GABBR1: variants seen among roughly 807,000 people sequenced by gnomAD.
GABBR1 encodes GABA-B receptor, R1 subunit.
GABBR1 carries 35 observed loss-of-function variants against 117.7 expected under a neutral mutation model. The observed-to-expected ratio is 0.30, with a 90% confidence interval of 0.23 to 0.39. The LOEUF (loss-of-function observed/expected upper bound fraction) is 0.39, where lower values mean the gene tolerates loss of function less well. Among genes scored for constraint, GABBR1 ranks in the 10% least tolerant of loss-of-function variants. The pLI, the probability that GABBR1 is intolerant of heterozygous loss-of-function variation, is 1.00. For missense variants in GABBR1, 709 were observed against 1,241.8 expected, an observed-to-expected ratio of 0.57 and a Z score of 6.45; for synonymous variants, 442 against 486.6, an observed-to-expected ratio of 0.91 and a Z score of 1.21.
At position 29,627,796 on chromosome 6, in the gene GABBR1, T is replaced by G; in HGVS notation, c.497-150A>C. 7.0e-7 allele frequency: 1 copy of G among 1,435,482 alleles called. No homozygotes were observed. The highest frequency in any genetic ancestry group is 9.1e-7 in the Non-Finnish European group (1 of 1,097,524). The allele number at this position is 1,435,482 out of a possible 1,614,324, so 88.9% of individuals were successfully genotyped here. A position where few individuals can be genotyped will look rare whatever the true frequency, so the allele number is the denominator to read the frequency against. On this transcript the variant is annotated intron_variant, in intron 5 of 22. Coordinates refer to ENST00000377034, the MANE Select transcript of GABBR1 (RefSeq NM_001470.4). The surrounding 1 kb of genome is among the most constrained non-coding windows in gnomAD (Gnocchi z 4.4). Reference sequence around the variant, plus strand: ...AAAAGGGGCCCCGGGCCCCATGGCGTGGGGGGCAGGGGTAGCTGTTGGGGA... The same window carrying G: ...AAAAGGGGCCCCGGGCCCCATGGCGGGGGGGGCAGGGGTAGCTGTTGGGGA...
chr6:29,602,836 T>C lies in GABBR1; in HGVS notation c.*707A>G. On this transcript the variant is annotated 3_prime_UTR_variant, in exon 23 of 23. Coordinates refer to ENST00000377034, the MANE Select transcript of GABBR1 (RefSeq NM_001470.4). Reference sequence around the variant, plus strand: ...TGACCATGAGAGGGGCACACGTAGCTGTGAATGCAGGGCACCCGAGAGCAC... The same window carrying C: ...TGACCATGAGAGGGGCACACGTAGCCGTGAATGCAGGGCACCCGAGAGCAC... The C allele has an allele frequency of 2.8e-6, 1 of 361,754 alleles. No homozygotes were observed. Among genetic ancestry groups the C allele is most frequent in the Admixed American group, 3.6e-5 (1 of 27,452 alleles). The allele number at this position is 361,754 out of a possible 1,614,324, so 22.4% of individuals were successfully genotyped here.
At position 29,607,266 on chromosome 6, in the gene GABBR1, G is replaced by T; in HGVS notation, c.1993-48C>A. 6.9e-7 allele frequency: 1 copy of T among 1,457,044 alleles called. No homozygotes were observed. The highest frequency in any genetic ancestry group is 9.6e-7 in the Non-Finnish European group (1 of 1,039,596). 90.3% of individuals were successfully genotyped at this position (1,457,044 alleles called of 1,614,324 possible). A position where few individuals can be genotyped will look rare whatever the true frequency, so the allele number is the denominator to read the frequency against. On this transcript the variant is annotated intron_variant, in intron 16 of 22. Transcript: ENST00000377034. This position sits in a 1 kb window ranked among gnomAD's most constrained non-coding sequence, Gnocchi z 5.0. ...GGCAGAACAGGGTAGAGTAGTAGCC[G>T]GGACTGCAGTAAGGATGGGCAGAAC...
Position 29,613,278 on chromosome 6 carries a change from G to C in GABBR1, c.1531C>G (p.Arg511Gly), listed in dbSNP as rs771699197. 4 of 1,612,820 alleles carry C rather than the reference G, an allele frequency of 2.5e-6. No homozygotes were observed. The African/African-American group carries it at 5.3e-5, about 22-fold the overall frequency. Residue 511 changes from arginine (R) to glycine (G), a missense_variant, in exon 12 of 23, where the codon CGG becomes GGG. Around this residue, in one of 9 missense-constraint regions of GABBR1, gnomAD observed 38 missense variants for 47.7 expected, o/e 0.80. Transcript: ENST00000377034. The surrounding 1 kb of genome is among the most constrained non-coding windows in gnomAD (Gnocchi z 4.1). ...NNQTITDQIYRAMNSSSFEGV... is the reference protein window; with the variant it reads ...NNQTITDQIYGAMNSSSFEGV... ...TCAAAGGACGAAGAGTTCATTGCCC[G>C]GTAGATTTGGTCGGTAATGGTCTGG... is the stretch of plus-strand genomic sequence containing the variant.
In GABBR1 at chr6:29,607,059, A is replaced by C; in HGVS notation, c.2109+43T>G. The C allele has an allele frequency of 6.2e-7, 1 of 1,605,682 alleles. No individual in the cohort carries two copies. The highest frequency in any genetic ancestry group is 8.5e-7 in the Non-Finnish European group (1 of 1,172,196). ...GTCAGGGGAAAATGCTCTGTGCCCC[A>C]GGAGCCAAGGATCTGGGGGCTGAGG... On this transcript the variant is annotated intron_variant, in intron 17 of 22. Transcript: ENST00000377034. This position sits in a 1 kb window ranked among gnomAD's most constrained non-coding sequence, Gnocchi z 5.0.
rs75647666 is a variant in GABBR1, at chr6:29,632,404, T to G, written c.1-19A>C. Reference sequence around the variant, plus strand: ...GCAACATCTAAGTGAGAGGCGGCCATGAGGACTGGACCGAGCCCCGCCGGC... The same window carrying G: ...GCAACATCTAAGTGAGAGGCGGCCAGGAGGACTGGACCGAGCCCCGCCGGC... On this transcript the variant is annotated intron_variant, in intron 1 of 22. Coordinates refer to ENST00000377034, the MANE Select transcript of GABBR1 (RefSeq NM_001470.4). The surrounding 1 kb of genome is among the most constrained non-coding windows in gnomAD (Gnocchi z 5.8). 7.5e-7 allele frequency: 1 copy of G among 1,336,050 alleles called. No individual in the cohort carries two copies. 82.8% of individuals were successfully genotyped at this position (1,336,050 alleles called of 1,614,324 possible). A position where few individuals can be genotyped will look rare whatever the true frequency, so the allele number is the denominator to read the frequency against.
chr6:29,617,404 C>T (rs914298688), intron 11 of GABBR1, among the ~76,000 whole-genome samples: 3 of 148,460 alleles, frequency 2.0e-5, no homozygotes, highest in Non-Finnish European at 4.4e-5. Context: ...TGGGTTCAAG[C>T]GATTCTTGTG....
intron 4 of GABBR1, 177 bp from the exon 5 acceptor site, chr6:29,629,284 G>A (rs1051827692): frequency 4.2e-6 from 3 of 722,330 alleles, no homozygotes; most frequent in East Asian, 5.4e-5. Context: ...GGGGTAAGGG[G>A]GTCAGGACTT....
rs1469323158 is a variant in GABBR1, at chr6:29,630,683, A to G, written c.290-40T>C. ...GAAAATAAGAAGAGAGGCGAGTTGA[A>G]GAAGGCTCTTTCCCTTTAAAGAGCA... On this transcript the variant is annotated intron_variant, in intron 3 of 22. Transcript: ENST00000377034. The surrounding 1 kb of genome is among the most constrained non-coding windows in gnomAD (Gnocchi z 4.9). The G allele has an allele frequency of 1.3e-6, 2 of 1,564,760 alleles. No individual in the cohort carries two copies. Among genetic ancestry groups the G allele is most frequent in the Non-Finnish European group, 1.8e-6 (2 of 1,141,048 alleles).
Position 29,607,117 on chromosome 6 carries a change from C to G in GABBR1, c.2094G>C (p.Lys698Asn). ...AGCAGCTCACCTTCCTCCACTCCTTCTTTTCTTCCTTCTTTGTGAAGACCG... is the reference window on the plus strand; with the variant it reads ...AGCAGCTCACCTTCCTCCACTCCTTGTTTTCTTCCTTCTTTGTGAAGACCG... ...VHTVFTKKEE[K>N]KEWRKTLEPW... The change falls in exon 17 of 23, where the codon AAG (lysine) becomes AAC (asparagine). Residue 698 changes from lysine to asparagine, a missense_variant. Lys to Asn is a moderately conservative substitution (Grantham distance 94). Transcript: ENST00000377034. This position sits in a 1 kb window ranked among gnomAD's most constrained non-coding sequence, Gnocchi z 5.0. The G allele has an allele frequency of 6.2e-7, 1 of 1,614,164 alleles. No homozygotes were observed. Among genetic ancestry groups the G allele is most frequent in the Non-Finnish European group, 8.5e-7 (1 of 1,179,990 alleles).
intron 12 of GABBR1, 126 bp from the exon 13 acceptor site, chr6:29,612,740 C>T (rs1004965861): frequency 4.8e-6 from 4 of 826,046 alleles, no homozygotes; most frequent in Non-Finnish European, 8.3e-6. Context: ...CTATTTATGG[C>T]ATTTGCCTGC....
intron 11 of GABBR1, among the ~76,000 whole-genome samples, chr6:29,616,842 A>C (rs1470583459): frequency 5.3e-5 from 7 of 131,218 alleles, no homozygotes; most frequent in Non-Finnish European, 3.2e-5. Context: ...GGGATACTCT[A>C]CCTCAAAAAA....
chr6:29,628,253 T>G (rs1764570619), intron 5 of GABBR1: 1 of 885,604 alleles, frequency 1.1e-6, no homozygotes. Flanking sequence ...GGATCTCACT[T>G]AAGGGGACCC....
At position 29,632,314 on chromosome 6, in the gene GABBR1, G is replaced by T; in HGVS notation, c.72C>A (p.Asn24Lys). Residue 24 changes from asparagine (N) to lysine (K), a missense_variant, in exon 2 of 23, where the codon AAC (asparagine) becomes AAA (lysine). Physicochemically the swap from Asn to Lys is moderately conservative, Grantham distance 94. Transcript: ENST00000377034. This position sits in a 1 kb window ranked among gnomAD's most constrained non-coding sequence, Gnocchi z 5.8. ...PPGAGGAQTPNATSEGCQIIH... is the reference protein window; with the variant it reads ...PPGAGGAQTPKATSEGCQIIH... ...AGAAGGATGCACCTTCTGAGGTGGC[G>T]TTGGGGGTCTGCGCCCCGCCCGCGC... 1 of 1,379,144 alleles carries T rather than the reference G, an allele frequency of 7.3e-7. No individual in the cohort carries two copies. Among genetic ancestry groups the T allele is most frequent in the South Asian group, 1.8e-5 (1 of 56,586 alleles). The allele number at this position is 1,379,144 out of a possible 1,614,324, so 85.4% of individuals were successfully genotyped here.
chr6:29,629,375 C>A, intron 4 of GABBR1: 1 of 618,800 alleles, frequency 1.6e-6, no homozygotes, highest in Non-Finnish European at 2.9e-6. Context: ...GATCTTGGTT[C>A]TGTGGTGCCT....
intron 5 of GABBR1, chr6:29,628,075 G>A: frequency 1.1e-6 from 1 of 903,582 alleles, no homozygotes; most frequent in Non-Finnish European, 1.3e-6. Flanking sequence ...GGGCTCTGAC[G>A]TCACGGGCGG....
Position 29,605,252 on chromosome 6 carries a change from C to T in GABBR1, c.2440-264G>A, listed in dbSNP as rs117261919. The T allele has an allele frequency of 3.4e-4, 188 of 554,306 alleles. 2 individuals are homozygous for T. The East Asian group carries it at 5.3e-3, about 16-fold the overall frequency. 34.3% of individuals were successfully genotyped at this position (554,306 alleles called of 1,614,324 possible). A position where few individuals can be genotyped will look rare whatever the true frequency, so the allele number is the denominator to read the frequency against. ...GCACAGATTCCGGGTCCTCCAGAGT[C>T]GGTCCCTGGCAGGAAATGTCAATAG... On this transcript the variant is annotated intron_variant, in intron 20 of 22. Coordinates refer to ENST00000377034, the MANE Select transcript of GABBR1 (RefSeq NM_001470.4). The surrounding 1 kb of genome is among the most constrained non-coding windows in gnomAD (Gnocchi z 4.2).
chr6:29,603,312 A>G lies in GABBR1; in HGVS notation c.*231T>C. ...AAGCCAGGTACGAACTAAATTGTGA[A>G]GAGGTGATACAAAATTACATGAAGC... is the stretch of plus-strand genomic sequence containing the variant. On this transcript the variant is annotated 3_prime_UTR_variant, in exon 23 of 23. Transcript: ENST00000377034. 1.4e-6 allele frequency: 1 copy of G among 694,664 alleles called. No homozygotes were observed. Among genetic ancestry groups the G allele is most frequent in the Non-Finnish European group, 2.6e-6 (1 of 378,892 alleles). 43.0% of individuals were successfully genotyped at this position (694,664 alleles called of 1,614,324 possible).
At chr6:29,616,537 T>C (rs1385995258) in intron 11 of GABBR1, among the ~76,000 whole-genome samples, 1 of 150,746 alleles carries the variant, frequency 6.6e-6, no homozygotes, top group African/African-American at 2.4e-5. Context: ...TACAAAAACT[T>C]ATCTGGGCAT....
At position 29,630,760 on chromosome 6, in the gene GABBR1, C is replaced by G; in HGVS notation, c.290-117G>C. 1.3e-6 allele frequency: 1 copy of G among 780,534 alleles called. No individual in the cohort carries two copies. 48.4% of individuals were successfully genotyped at this position (780,534 alleles called of 1,614,324 possible). A position where few individuals can be genotyped will look rare whatever the true frequency, so the allele number is the denominator to read the frequency against. ...ACAAGCATCCTGCTCTAAAGAAAAT[C>G]ACATGTGAAAAGGATTTGCCTACCT... On this transcript the variant is annotated intron_variant, in intron 3 of 22. Transcript: ENST00000377034. The surrounding 1 kb of genome is among the most constrained non-coding windows in gnomAD (Gnocchi z 4.9).
Sources: gnomAD v4.1 joint callset for allele counts (sites outside exome capture counted in the v4.1 genomes callset) on GRCh38, gnomAD v4.1.1 for gene constraint, gnomAD v4.1.1 regional missense constraint, Gnocchi (gnomAD v3.1) non-coding constraint, MANE v1.5 for transcripts, NCBI Gene and HGNC (gene_info 2026-07-23, HGNC 2026-07-21) for gene names.